Variants in KCNK10 observed in about 807,000 individuals in gnomAD.
KCNK10 encodes the protein potassium channel subfamily K member 10.
Under a neutral mutation model 47.7 loss-of-function variants are expected in KCNK10, and 25 were observed. That is an observed-to-expected ratio of 0.52 (90% confidence interval 0.38 to 0.73). The LOEUF (loss-of-function observed/expected upper bound fraction) is 0.73. Among genes scored for constraint, KCNK10 ranks in the 30% least tolerant of loss-of-function variants. KCNK10 has a pLI of 0.00. For synonymous variants in KCNK10, 303 were observed against 285.6 expected (o/e 1.06, Z -0.61); for missense variants, 563 against 714.5 (o/e 0.79, Z 2.42).
chr14:88,277,949 G>T (rs926736967), intron 1 of KCNK10, among the ~76,000 whole-genome samples: 1 of 152,100 alleles, frequency 6.6e-6, no homozygotes, highest in Non-Finnish European at 1.5e-5. Flanking sequence ...ATTTTCCATG[G>T]TCCCAATCCC....
chr14:88,294,895 C>G (rs1177372953), intron 1 of KCNK10, among the ~76,000 whole-genome samples: 2 of 152,030 alleles, frequency 1.3e-5, no homozygotes, highest in African/African-American at 4.8e-5. Context: ...CAACTATGAC[C>G]CTGTATAGGT....
At chr14:88,215,627 G>A (rs992465323) in intron 4 of KCNK10, among the ~76,000 whole-genome samples, 26 of 152,000 alleles carry the variant, frequency 1.7e-4, no homozygotes, top group African/African-American at 6.3e-4. Context: ...ACAAATGACC[G>A]ATCCAAGGCT....
intron 1 of KCNK10, among the ~76,000 whole-genome samples, chr14:88,292,491 A>AG (rs1257419724): frequency 2.6e-5 from 4 of 151,892 alleles, no homozygotes; most frequent in African/African-American, 9.7e-5. Context: ...CTGGGATTAT[A>AG]GGCACCCGCC....
intron 1 of KCNK10, chr14:88,270,814 C>A (rs1480366115): frequency 1.3e-6 from 1 of 780,944 alleles, no homozygotes; most frequent in African/African-American, 1.7e-5. Flanking sequence ...CATGGTGTGT[C>A]ACTCTCTCAG....
upstream of KCNK10, chr14:88,326,443 A>G: frequency 6.2e-7 from 1 of 1,613,672 alleles, no homozygotes; most frequent in Non-Finnish European, 8.5e-7. Flanking sequence ...AAGTCTGTGT[A>G]GAGAAAAAAC....
At chr14:88,230,130 T>C (rs976781171) in intron 3 of KCNK10, among the ~76,000 whole-genome samples, 1 of 152,152 alleles carries the variant, frequency 6.6e-6, no homozygotes, top group Admixed American at 6.5e-5. Flanking sequence ...CATGTGAAGA[T>C]TAAATACCTG....
chr14:88,201,769 T>C (rs1885109763), intron 4 of KCNK10, among the ~76,000 whole-genome samples: 1 of 152,182 alleles, frequency 6.6e-6, no homozygotes, highest in East Asian at 1.9e-4. Flanking sequence ...CTTAAAACAA[T>C]TAAGTTATAT....
At chr14:88,213,488 C>T (rs1229390207) in intron 4 of KCNK10, among the ~76,000 whole-genome samples, 1 of 152,132 alleles carries the variant, frequency 6.6e-6, no homozygotes, top group Non-Finnish European at 1.5e-5. Flanking sequence ...AGAATTCTTG[C>T]ATTAAATTCA....
intron 3 of KCNK10, among the ~76,000 whole-genome samples, chr14:88,238,259 G>A (rs931936859): frequency 6.6e-6 from 1 of 152,200 alleles, no homozygotes; most frequent in Non-Finnish European, 1.5e-5. Context: ...GGAATGTTGT[G>A]GCTGGTTTGA....
rs1369387088 is a variant in KCNK10 at position 88,260,344 on chromosome 14, A to G, written c.402+2858T>C. ...GCCTGCCTCCCCTTCGTCTTCTGCC[A>G]TGATTGTAAGTTTCCTGAAGCCTCC... On this transcript the variant is annotated intron_variant, in intron 2 of 6. Coordinates refer to ENST00000319231, the MANE Select transcript of KCNK10 (RefSeq NM_138317.3). This position sits in a 1 kb window ranked among gnomAD's most constrained non-coding sequence, Gnocchi z 4.5. Among the ~76,000 whole-genome samples, 4 of 152,296 alleles carry G rather than the reference A, an allele frequency of 2.6e-5. No individual in the cohort carries two copies. The highest frequency in any genetic ancestry group is 1.9e-4 in the East Asian group (1 of 5,184).
upstream of KCNK10, among the ~76,000 whole-genome samples, chr14:88,325,786 T>C (rs1425669039): frequency 6.6e-6 from 1 of 152,238 alleles, no homozygotes; most frequent in Non-Finnish European, 1.5e-5. Context: ...TGGCAGGAAC[T>C]GCACCCTTAG....
rs1009914065 is a variant in KCNK10, at chr14:88,323,139, G to T, written c.-341C>A. The T allele has an allele frequency of 2.6e-6, 3 of 1,157,538 alleles. No individual in the cohort carries two copies. The highest frequency in any genetic ancestry group is 3.2e-6 in the Non-Finnish European group (3 of 931,578). The allele number at this position is 1,157,538 out of a possible 1,614,324, so 71.7% of individuals were successfully genotyped here. On this transcript the variant is annotated 5_prime_UTR_variant, in exon 1 of 7. Transcript: ENST00000319231. Reference sequence around the variant, plus strand: ...TGCTTCCCAAAAGCGGTGCCGGCAGGTTAGGGGCTGCGCAGCCTGAAGGCT... The same window carrying T: ...TGCTTCCCAAAAGCGGTGCCGGCAGTTTAGGGGCTGCGCAGCCTGAAGGCT...
chr14:88,201,236 C>T (rs1885090822), intron 4 of KCNK10, among the ~76,000 whole-genome samples: 1 of 152,178 alleles, frequency 6.6e-6, no homozygotes, highest in Non-Finnish European at 1.5e-5. Context: ...CAGGAAATGC[C>T]AGCTCCAATT....
chr14:88,249,984 C>T (rs938521768), intron 2 of KCNK10, among the ~76,000 whole-genome samples: 9 of 152,036 alleles, frequency 5.9e-5, no homozygotes, highest in African/African-American at 1.4e-4. Flanking sequence ...ATTGTAGGAA[C>T]GAGACACCAT....
intron 1 of KCNK10, among the ~76,000 whole-genome samples, chr14:88,267,375 C>CT (rs59088203): frequency 0.046 from 6,735 of 144,920 alleles, 417 homozygotes; most frequent in African/African-American, 0.15. Context: ...TTTTCTTTTT[C>CT]TTTTTTTTTT....
chr14:88,289,239 C>T (rs914493149), intron 1 of KCNK10, among the ~76,000 whole-genome samples: 1 of 152,128 alleles, frequency 6.6e-6, no homozygotes. Context: ...TCTGAATGTA[C>T]CTCCTTCTTT....
At chr14:88,270,099 T>G (rs389196) in intron 1 of KCNK10, among the ~76,000 whole-genome samples, 141,825 of 151,684 alleles carry the variant, frequency 0.94, 67,025 homozygotes, top group Non-Finnish European at 1. Flanking sequence ...ACCTCCCCCC[T>G]CCCCGCAGCC....
chr14:88,288,747 T>C (rs1440172146), intron 1 of KCNK10, among the ~76,000 whole-genome samples: 1 of 152,142 alleles, frequency 6.6e-6, no homozygotes, highest in Non-Finnish European at 1.5e-5. Flanking sequence ...GGTCTTCTCA[T>C]TTGTCCAAGT....
intron 1 of KCNK10, among the ~76,000 whole-genome samples, chr14:88,317,206 A>G (rs569248994): frequency 6.6e-6 from 1 of 152,338 alleles, no homozygotes; most frequent in South Asian, 2.1e-4. Context: ...TCTCCTGAAA[A>G]TTGGATATTA....
Sources: allele counts gnomAD v4.1 joint callset (sites outside exome capture counted in the v4.1 genomes callset), GRCh38; gene constraint gnomAD v4.1.1; non-coding constraint Gnocchi (gnomAD v3.1); transcripts MANE v1.5; gene names NCBI Gene and HGNC (gene_info 2026-07-23, HGNC 2026-07-21).